Variants in CNTN6 observed in about 807,000 individuals in gnomAD.
CNTN6 encodes contactin-6.
Under a neutral mutation model 122.8 loss-of-function variants are expected in CNTN6, and 137 were observed. That is an observed-to-expected ratio of 1.12 (90% confidence interval 0.97 to 1.29). The LOEUF (loss-of-function observed/expected upper bound fraction) is 1.29, where lower values mean the gene tolerates loss of function less well. Ranked by LOEUF, CNTN6 falls within the 50% of genes most tolerant of loss-of-function variation. The pLI is 0.00. For missense variants in CNTN6, 1,634 were observed against 1,223.4 expected, an observed-to-expected ratio of 1.34 and a Z score of -5.01; for synonymous variants, 570 against 426.0, an observed-to-expected ratio of 1.34 and a Z score of -4.16.
At chr3:1,116,532 A>T (rs2091725490) in intron 1 of CNTN6, among the ~76,000 whole-genome samples, 1 of 152,148 alleles carries the variant, frequency 6.6e-6, no homozygotes. Context: ...TCAGTGGACA[A>T]CATTTGTATA....
chr3:1,355,774 A>C (rs896830372), intron 12 of CNTN6, among the ~76,000 whole-genome samples: 4 of 151,956 alleles, frequency 2.6e-5, no homozygotes, highest in African/African-American at 7.2e-5. Flanking sequence ...GAATTTACTT[A>C]TCAGCCTCTG....
chr3:1,128,633 T>C (rs2092245764), intron 1 of CNTN6, among the ~76,000 whole-genome samples: 1 of 152,012 alleles, frequency 6.6e-6, no homozygotes, highest in Non-Finnish European at 1.5e-5. Context: ...ACTAAGAACA[T>C]AGCTGTGCTG....
At chr3:1,093,549 G>C (rs2090352269) in intron 1 of CNTN6, among the ~76,000 whole-genome samples, 1 of 151,330 alleles carries the variant, frequency 6.6e-6, no homozygotes, top group South Asian at 2.1e-4. Flanking sequence ...TTTAATCAAA[G>C]GGATGAGGGG....
chr3:1,171,151 T>C (rs550617135), intron 2 of CNTN6, among the ~76,000 whole-genome samples: 74 of 152,298 alleles, frequency 4.9e-4, no homozygotes, highest in African/African-American at 1.6e-3. Context: ...ATCCCTGGGC[T>C]TAAATGTCTA....
intron 2 of CNTN6, among the ~76,000 whole-genome samples, chr3:1,157,672 T>C (rs536747770): frequency 1.3e-5 from 2 of 151,472 alleles, no homozygotes; most frequent in Non-Finnish European, 2.9e-5. Flanking sequence ...TCCTAGCCTC[T>C]AGTAACCATC....
intron 2 of CNTN6, among the ~76,000 whole-genome samples, chr3:1,165,822 T>C (rs1025455794): frequency 3.3e-5 from 5 of 152,218 alleles, no homozygotes; most frequent in African/African-American, 1.2e-4. Context: ...ACGGACTGAA[T>C]TTTAAAATGG....
chr3:1,299,683 C>A (rs1316374403), intron 7 of CNTN6, among the ~76,000 whole-genome samples: 1 of 152,060 alleles, frequency 6.6e-6, no homozygotes, highest in Non-Finnish European at 1.5e-5. Context: ...AAACCCAGGC[C>A]CACCTGATTT....
intron 1 of CNTN6, among the ~76,000 whole-genome samples, chr3:1,111,009 T>C (rs761536809): frequency 6.6e-6 from 1 of 152,184 alleles, no homozygotes; most frequent in Non-Finnish European, 1.5e-5. Flanking sequence ...TTCACTGGCC[T>C]CATTTTTCCT....
At chr3:1,118,857 TAAA>T (rs750524781) in intron 1 of CNTN6, among the ~76,000 whole-genome samples, 35 of 149,982 alleles carry the variant, frequency 2.3e-4, no homozygotes, top group African/African-American at 8.7e-4. Context: ...CAATACCTCT[TAAA>T]AAAAAAAAAA....
In CNTN6 at chr3:1,227,934, G is replaced by C. The variant is rs1229548680; in HGVS notation, c.299G>C (p.Cys100Ser). Residue 100 changes from cysteine (C) to serine (S), a missense_variant, in exon 4 of 23, where the codon TGC (cysteine) becomes TCC (serine). Transcript: ENST00000446702. ...GATCAAGATATTGGCATGTACCAGTGCCTGGCCACCAATCTTCTGGGGACA... is the reference window on the plus strand; with the variant it reads ...GATCAAGATATTGGCATGTACCAGTCCCTGGCCACCAATCTTCTGGGGACA... ...HTDQDIGMYQ[C>S]LATNLLGTIL... 6 of 1,613,886 alleles carry C rather than the reference G, an allele frequency of 3.7e-6. No homozygotes were observed. Among genetic ancestry groups the C allele is most frequent in the Non-Finnish European group, 5.1e-6 (6 of 1,179,966 alleles).
chr3:1,395,609 T>C (rs966495302), intron 20 of CNTN6, among the ~76,000 whole-genome samples: 3 of 152,144 alleles, frequency 2.0e-5, no homozygotes, highest in East Asian at 1.9e-4. Context: ...CCTGATGACA[T>C]TGGAGCCACC....
chr3:1,366,654 G>T (rs184117452), intron 12 of CNTN6, among the ~76,000 whole-genome samples: 1 of 152,154 alleles, frequency 6.6e-6, no homozygotes, highest in Non-Finnish European at 1.5e-5. Context: ...GTCTCTGTGG[G>T]GTACTCATGT....
At chr3:1,144,755 G>C (rs2092689199) in intron 1 of CNTN6, among the ~76,000 whole-genome samples, 1 of 152,056 alleles carries the variant, frequency 6.6e-6, no homozygotes, top group Non-Finnish European at 1.5e-5. Context: ...ATGATTCTAG[G>C]TTCTTTGGAT....
At chr3:1,290,595 A>G (rs1695167809) in intron 5 of CNTN6, among the ~76,000 whole-genome samples, 1 of 152,258 alleles carries the variant, frequency 6.6e-6, no homozygotes, top group African/African-American at 2.4e-5. Flanking sequence ...GGGCGTGCCC[A>G]TAGATTAAAA....
chr3:1,368,623 A>C (rs1458759725), intron 12 of CNTN6, among the ~76,000 whole-genome samples: 1 of 152,168 alleles, frequency 6.6e-6, no homozygotes, highest in Non-Finnish European at 1.5e-5. Flanking sequence ...TGCTAAAAAT[A>C]TAAATTCTGT....
chr3:1,373,973 G>A lies in CNTN6; in HGVS notation c.1995G>A (p.Leu665=). 1.2e-6 allele frequency: 2 copies of A among 1,613,208 alleles called. No individual in the cohort carries two copies. Among genetic ancestry groups the A allele is most frequent in the Non-Finnish European group, 1.7e-6 (2 of 1,179,404 alleles). The change falls in exon 16 of 23, where the codon TTG becomes TTA. Residue 665 remains leucine, a synonymous_variant. Coordinates refer to ENST00000446702, the MANE Select transcript of CNTN6 (RefSeq NM_001289080.2). ...CATACAATGCAACAGTGGTTGGTTT[G>A]AGTCCTTGGGTGGAATATGAATTTC... ...GKTYNATVVG[L]SPWVEYEFRV...
At chr3:1,116,413 G>A (rs2091720465) in intron 1 of CNTN6, among the ~76,000 whole-genome samples, 1 of 152,122 alleles carries the variant, frequency 6.6e-6, no homozygotes, top group Non-Finnish European at 1.5e-5. Flanking sequence ...AACCTCTTCT[G>A]TAGATGCCAA....
chr3:1,367,492 A>G (rs1294206544), intron 12 of CNTN6, among the ~76,000 whole-genome samples: 4 of 151,970 alleles, frequency 2.6e-5, no homozygotes, highest in Admixed American at 1.3e-4. Flanking sequence ...CTGTCTTGAA[A>G]TTCTTAATCA....
chr3:1,269,428 C>G lies in CNTN6; in HGVS notation c.359-8985C>G, dbSNP rs571118084. On this transcript the variant is annotated intron_variant, in intron 4 of 22. Transcript: ENST00000446702. ...AGTTGCCTTTTACTAGTTAAGTAAT[C>G]TGGCATCTCAATGTATCCTATGCAG... is the stretch of plus-strand genomic sequence containing the variant. 1.1e-3 allele frequency among the ~76,000 whole-genome samples: 168 copies of G among 152,322 alleles called. 1 individual carries two copies. The highest frequency in any genetic ancestry group is 3.7e-3 in the African/African-American group (155 of 41,556).
Sources: allele counts gnomAD v4.1 joint callset (sites outside exome capture counted in the v4.1 genomes callset), GRCh38; gene constraint gnomAD v4.1.1; transcripts MANE v1.5; gene names NCBI Gene and HGNC (gene_info 2026-07-23, HGNC 2026-07-21).